CPLX4: variants seen among roughly 807,000 people sequenced by gnomAD.
The protein encoded by CPLX4 is complexin-4.
CPLX4 carries 17 observed loss-of-function variants against 16.1 expected under a neutral mutation model. The observed-to-expected ratio is 1.06, with a 90% CI of 0.72 to 1.59. The LOEUF (loss-of-function observed/expected upper bound fraction) is 1.59, where lower values mean the gene tolerates loss of function less well. Ranked by LOEUF, CPLX4 falls within the 40% of genes most tolerant of loss-of-function variation. CPLX4 has a pLI of 0.00. For missense variants in CPLX4, 193 were observed against 192.9 expected, an observed-to-expected ratio of 1.00 and a Z score of 0.00; for synonymous variants, 55 against 57.8, an observed-to-expected ratio of 0.95 and a Z score of 0.22.
intron 2 of CPLX4, among the ~76,000 whole-genome samples, chr18:59,305,561 G>A (rs1281560989): frequency 6.6e-6 from 1 of 152,212 alleles, no homozygotes; most frequent in Non-Finnish European, 1.5e-5. Flanking sequence ...CTGGTAGCCA[G>A]CCTGGGAGAT....
At position 59,312,739 on chromosome 18, in the gene CPLX4, C is replaced by G; in HGVS notation, c.201G>C (p.Lys67Asn). The G allele has an allele frequency of 6.8e-7, 1 of 1,472,110 alleles. No homozygotes were observed. Among genetic ancestry groups the G allele is most frequent in the Non-Finnish European group, 9.5e-7 (1 of 1,051,248 alleles). The allele number at this position is 1,472,110 out of a possible 1,614,324, so 91.2% of individuals were successfully genotyped here. The change falls in exon 2 of 3, where the codon AAG becomes AAC. Residue 67 changes from lysine (K) to asparagine (N), a missense_variant. Physicochemically the swap from Lys to Asn is moderately conservative, Grantham distance 94. Coordinates refer to ENST00000299721, the MANE Select transcript of CPLX4 (RefSeq NM_181654.4). ...GAACTCTGAGGCATGCCCTTTCTGC[C>G]TTTTTCTGTGTAAATGCAGCATCTC... Reference protein sequence around the residue: ...MERDAAFTQKKAERACLRVHL... With the variant: ...MERDAAFTQKNAERACLRVHL...
chr18:59,315,846 C>G (rs545322026), intron 1 of CPLX4, among the ~76,000 whole-genome samples: 1 of 152,144 alleles, frequency 6.6e-6, no homozygotes, highest in Non-Finnish European at 1.5e-5. Context: ...CCCCATTGAT[C>G]GATTTGTTGA....
chr18:59,310,895 AAAAT>A (rs763869690), intron 2 of CPLX4, among the ~76,000 whole-genome samples: 2 of 152,116 alleles, frequency 1.3e-5, no homozygotes, highest in Admixed American at 1.3e-4. Flanking sequence ...ACAGTTGCCA[AAAAT>A]AAATCTGTAA....
chr18:59,314,349 CTT>C (rs35048382), intron 1 of CPLX4, among the ~76,000 whole-genome samples: 22 of 149,748 alleles, frequency 1.5e-4, no homozygotes, highest in African/African-American at 2.2e-4. Context: ...TCTCACTGTA[CTT>C]TTTTTTTTAT....
intron 2 of CPLX4, among the ~76,000 whole-genome samples, chr18:59,307,356 A>C (rs2070583778): frequency 6.6e-6 from 1 of 152,238 alleles, no homozygotes; most frequent in Admixed American, 6.5e-5. Flanking sequence ...TACTGTGGTC[A>C]TCCAGGAACC....
chr18:59,297,444 AT>A (rs35157146), intron 2 of CPLX4, among the ~76,000 whole-genome samples: 5,984 of 151,734 alleles, frequency 0.039, 388 homozygotes, highest in African/African-American at 0.14. Context: ...CACTCAGCTG[AT>A]TTTTTTGTAT....
chr18:59,316,456 C>T (rs931242560), intron 1 of CPLX4, among the ~76,000 whole-genome samples: 1 of 152,084 alleles, frequency 6.6e-6, no homozygotes, highest in Admixed American at 6.5e-5. Context: ...GTTTGTAGCT[C>T]TCTCTGCGTT....
intron 2 of CPLX4, among the ~76,000 whole-genome samples, chr18:59,299,891 AT>A (rs747219844): frequency 3.3e-5 from 5 of 152,210 alleles, no homozygotes; most frequent in Non-Finnish European, 5.9e-5. Context: ...GCAATCTGTG[AT>A]TTAACAAGTC....
intron 2 of CPLX4, 131 bp from the exon 3 acceptor site, chr18:59,297,056 C>T: frequency 7.1e-7 from 1 of 1,404,428 alleles, no homozygotes; most frequent in Non-Finnish European, 9.4e-7. Context: ...GGCCTTGCAG[C>T]AGAGCCTGGT....
intron 2 of CPLX4, among the ~76,000 whole-genome samples, 193 bp from the exon 3 acceptor site, chr18:59,297,118 C>G (rs1006915565): frequency 2.6e-5 from 4 of 152,010 alleles, no homozygotes; most frequent in African/African-American, 9.7e-5. Flanking sequence ...TTCATGGCAC[C>G]TTGCGTCGAT....
At chr18:59,304,924 AGTGTGTGT>A (rs56041280) in intron 2 of CPLX4, among the ~76,000 whole-genome samples, 2,665 of 142,202 alleles carry the variant, frequency 0.019, 37 homozygotes, top group African/African-American at 0.028. Context: ...CTCAACAATC[AGTGTGTGT>A]GTGTGTGTGT....
At chr18:59,310,537 C>G (rs1340365016) in intron 2 of CPLX4, among the ~76,000 whole-genome samples, 4 of 152,170 alleles carry the variant, frequency 2.6e-5, no homozygotes, top group Non-Finnish European at 5.9e-5. Flanking sequence ...GGCTCAGGAA[C>G]CTCCATTGTT....
intron 2 of CPLX4, among the ~76,000 whole-genome samples, chr18:59,300,204 A>G (rs1196374386): frequency 6.6e-6 from 1 of 152,092 alleles, no homozygotes; most frequent in Non-Finnish European, 1.5e-5. Flanking sequence ...GTGGTGGCAC[A>G]CACCTGTAAT....
chr18:59,308,637 G>A (rs1347181458), intron 2 of CPLX4, among the ~76,000 whole-genome samples: 2 of 151,680 alleles, frequency 1.3e-5, no homozygotes, highest in Admixed American at 6.6e-5. Flanking sequence ...CCTCCCGCGG[G>A]TGCCAGTGGC....
At chr18:59,310,661 C>G (rs2144189125) in intron 2 of CPLX4, among the ~76,000 whole-genome samples, 1 of 152,252 alleles carries the variant, frequency 6.6e-6, no homozygotes, top group African/African-American at 2.4e-5. Context: ...GCTCTATTGT[C>G]AGGCGTTGTA....
At chr18:59,307,951 T>C (rs1220334398) in intron 2 of CPLX4, among the ~76,000 whole-genome samples, 2 of 149,512 alleles carry the variant, frequency 1.3e-5, no homozygotes, top group East Asian at 3.9e-4. Context: ...TTTTTTTTTG[T>C]ATTTGTAGTA....
At chr18:59,318,244 C>G (rs2070663765) in intron 1 of CPLX4, 52 bp downstream of exon 1, 1 of 1,520,042 alleles carries the variant, frequency 6.6e-7, no homozygotes, top group African/African-American at 1.4e-5. Context: ...GAAGGTATGG[C>G]CAGAATGAAT....
At chr18:59,305,949 G>A (rs746927568) in intron 2 of CPLX4, among the ~76,000 whole-genome samples, 19 of 152,146 alleles carry the variant, frequency 1.2e-4, no homozygotes, top group Non-Finnish European at 2.4e-4. Flanking sequence ...GCAAGCTGAG[G>A]AGAGAGAGGG....
chr18:59,307,170 C>T (rs2070582260), intron 2 of CPLX4, among the ~76,000 whole-genome samples: 1 of 152,174 alleles, frequency 6.6e-6, no homozygotes, highest in Non-Finnish European at 1.5e-5. Flanking sequence ...AGTAAGGAGG[C>T]TTGAGTCTCC....
Sources: allele counts gnomAD v4.1 joint callset (sites outside exome capture counted in the v4.1 genomes callset), GRCh38; gene constraint gnomAD v4.1.1; transcripts MANE v1.5; gene names NCBI Gene and HGNC (gene_info 2026-07-23, HGNC 2026-07-21).